ROBO2: variants seen among roughly 807,000 people sequenced by gnomAD.
The protein encoded by ROBO2 is roundabout guidance receptor 2.
Under a neutral mutation model 160.8 loss-of-function variants are expected in ROBO2, and 53 were observed. The ratio of observed to expected loss-of-function variants is 0.33; its 90% CI spans 0.26 to 0.41. ROBO2 has a LOEUF of 0.41. Ranked by LOEUF, ROBO2 falls within the 10% of genes least tolerant of loss-of-function variation. The pLI, the probability that ROBO2 is intolerant of heterozygous loss-of-function variation, is 1.00. For synonymous variants in ROBO2, 664 were observed against 611.7 expected (o/e 1.09, Z -1.26); for missense variants, 1,577 against 1,722.4 (o/e 0.92, Z 1.49).
intron 1 of ROBO2, among the ~76,000 whole-genome samples, chr3:75,911,855 C>T (rs1576106969): frequency 1.3e-5 from 2 of 151,950 alleles, no homozygotes; most frequent in African/African-American, 2.4e-5. Context: ...CGCGCCCTGC[C>T]GAAGCCTTGT....
At chr3:76,026,021 G>C (rs2066733222) in intron 2 of ROBO2, among the ~76,000 whole-genome samples, 1 of 151,960 alleles carries the variant, frequency 6.6e-6, no homozygotes, top group South Asian at 2.1e-4. Flanking sequence ...CTGCAAAACT[G>C]TTGCATATAC....
intron 2 of ROBO2, among the ~76,000 whole-genome samples, chr3:76,560,515 C>T (rs1259789736): frequency 6.6e-6 from 1 of 150,750 alleles, no homozygotes; most frequent in African/African-American, 2.4e-5. Flanking sequence ...GTGATAGCAG[C>T]TAATTGTTAT....
At chr3:76,114,858 A>G (rs2070390159) in intron 2 of ROBO2, among the ~76,000 whole-genome samples, 1 of 152,136 alleles carries the variant, frequency 6.6e-6, no homozygotes, top group African/African-American at 2.4e-5. Flanking sequence ...TTTTAATGGT[A>G]AAAAGTGCAA....
chr3:76,382,459 C>T (rs1367621755), intron 2 of ROBO2, among the ~76,000 whole-genome samples: 2 of 152,046 alleles, frequency 1.3e-5, no homozygotes, highest in African/African-American at 2.4e-5. Context: ...GCGGTGGCGG[C>T]GCCTGTAGTC....
At chr3:76,195,305 G>C (rs1314122118) in intron 2 of ROBO2, among the ~76,000 whole-genome samples, 1 of 151,998 alleles carries the variant, frequency 6.6e-6, no homozygotes, top group Non-Finnish European at 1.5e-5. Flanking sequence ...ATAAAATTCT[G>C]GTTTATATTT....
At position 76,119,916 on chromosome 3, in the gene ROBO2, C is replaced by CCCTCCCTCCCTTCCTTCCTTCCTT. The variant is rs1377854643; in HGVS notation, c.109+182317_109+182318insCCCTCCCTTCCTTCCTTCCTTCCT. ...CCTTCCTTCCCTTCCTTCCCTCCCT[C>CCCTCCCTCCCTTCCTTCCTTCCTT]CCTTCCTTCCTTCCTTCCTTCCTTC... On this transcript the variant is annotated intron_variant, in intron 2 of 26. Coordinates refer to the ROBO2 transcript ENST00000487694. Among the ~76,000 whole-genome samples, 3 of 88,178 alleles carry CCCTCCCTCCCTTCCTTCCTTCCTT rather than the reference C, an allele frequency of 3.4e-5. No homozygotes were observed. In the East Asian group the frequency reaches 1.2e-3, roughly 35 times the overall value. The allele number at this position is 88,178 out of a possible 152,430, so 57.8% of individuals were successfully genotyped here.
intron 2 of ROBO2, among the ~76,000 whole-genome samples, chr3:75,995,649 C>T (rs1432189619): frequency 6.6e-6 from 1 of 152,012 alleles, no homozygotes; most frequent in Non-Finnish European, 1.5e-5. Flanking sequence ...GGTCTACAGT[C>T]CTCCAGACCC....
Position 77,176,737 on chromosome 3 carries a change from C to T in ROBO2, c.388+78397C>T, listed in dbSNP as rs146845122. Among the ~76,000 whole-genome samples the T allele has an allele frequency of 3.2e-3, 491 of 152,002 alleles. 2 individuals are homozygous for T. Among genetic ancestry groups the T allele is most frequent in the Admixed American group, 5.3e-3 (80 of 15,238 alleles). The stretch of plus-strand genomic sequence containing the variant: ...ACATTTTACATTTTTTAGGAATAAA[C>T]TGCATTATATTAAAACTGTATCACT... On this transcript the variant is annotated intron_variant, in intron 2 of 25. Coordinates refer to ENST00000461745, the Ensembl canonical transcript of ROBO2.
chr3:77,330,830 G>A (rs1388097353), intron 2 of ROBO2, among the ~76,000 whole-genome samples: 1 of 152,146 alleles, frequency 6.6e-6, no homozygotes, highest in African/African-American at 2.4e-5. Context: ...TCCTATTTCA[G>A]TAATAATCTT....
intron 2 of ROBO2, among the ~76,000 whole-genome samples, chr3:76,494,685 T>C (rs1553773788): frequency 6.6e-6 from 1 of 152,188 alleles, no homozygotes; most frequent in Non-Finnish European, 1.5e-5. Flanking sequence ...TAGCACAAAA[T>C]AATCTTTATG....
intron 2 of ROBO2, among the ~76,000 whole-genome samples, chr3:76,534,493 C>A (rs1001896272): frequency 6.6e-6 from 1 of 152,098 alleles, no homozygotes; most frequent in Non-Finnish European, 1.5e-5. Context: ...GAGTGGCAGT[C>A]TGAATGGAGA....
intron 1 of ROBO2, among the ~76,000 whole-genome samples, chr3:77,054,698 G>C (rs2065550209): frequency 1.3e-5 from 2 of 152,208 alleles, no homozygotes; most frequent in African/African-American, 4.8e-5. Context: ...AAATAGAATG[G>C]AGCCAGCATC....
chr3:77,562,794 A>G (rs749366754), intron 10 of ROBO2, 62 bp downstream of exon 11: 2 of 1,178,006 alleles, frequency 1.7e-6, no homozygotes, highest in Non-Finnish European at 2.5e-6. Context: ...AATATCAAAT[A>G]ATAAGTTAAG....
At chr3:77,422,359 T>C (rs2153533348) in intron 2 of ROBO2, among the ~76,000 whole-genome samples, 1 of 152,330 alleles carries the variant, frequency 6.6e-6, no homozygotes, top group South Asian at 2.1e-4. Flanking sequence ...CATTTATAGC[T>C]AATATGTACT....
chr3:76,479,616 G>T (rs2079106816), intron 2 of ROBO2, among the ~76,000 whole-genome samples: 1 of 152,172 alleles, frequency 6.6e-6, no homozygotes, highest in African/African-American at 2.4e-5. Context: ...ATAGAGTAGT[G>T]TGCAGTCAGC....
chr3:77,162,458 T>C (rs146501446), intron 2 of ROBO2, among the ~76,000 whole-genome samples: 72 of 152,318 alleles, frequency 4.7e-4, no homozygotes, highest in African/African-American at 1.7e-3. Context: ...TCTTCTGTGT[T>C]TCATTAAAAT....
At chr3:77,188,240 A>ATC (rs2081465298) in intron 2 of ROBO2, among the ~76,000 whole-genome samples, 1 of 143,392 alleles carries the variant, frequency 7.0e-6, no homozygotes, top group African/African-American at 3.0e-5. Flanking sequence ...AAAGCCAACT[A>ATC]AATGGACTTA....
intron 2 of ROBO2, among the ~76,000 whole-genome samples, chr3:76,952,984 A>C (rs1398967064): frequency 1.3e-5 from 2 of 152,168 alleles, no homozygotes; most frequent in East Asian, 3.9e-4. Flanking sequence ...AGCCTTTAGA[A>C]AAATTTTCCA....
At chr3:76,787,594 AGT>A (rs1025159078) in intron 2 of ROBO2, among the ~76,000 whole-genome samples, 1 of 151,436 alleles carries the variant, frequency 6.6e-6, no homozygotes, top group Non-Finnish European at 1.5e-5. Context: ...GTTATCTATA[AGT>A]TCTCTATATG....
Sources: gnomAD v4.1 joint callset for allele counts (sites outside exome capture counted in the v4.1 genomes callset) on GRCh38, gnomAD v4.1.1 for gene constraint, MANE v1.5 for transcripts, NCBI Gene and HGNC (gene_info 2026-07-23, HGNC 2026-07-21) for gene names.